The following NOS1AP variants were observed in gnomAD, a reference collection of about 807,000 sequenced individuals.
NOS1AP encodes nitric oxide synthase 1 adaptor protein.
Under a neutral mutation model 56.2 loss-of-function variants are expected in NOS1AP, and 21 were observed. The ratio of observed to expected loss-of-function variants is 0.37; its 90% CI spans 0.26 to 0.54. The LOEUF is 0.54. NOS1AP is among the 20% of genes least tolerant of loss of function. The pLI is 0.84. For synonymous variants in NOS1AP, 270 were observed against 274.6 expected (o/e 0.98, Z 0.17); for missense variants, 522 against 657.8 (o/e 0.79, Z 2.26).
chr1:162,343,725 T>A, intron 5 of NOS1AP, 110 bp from the exon 6 acceptor site: 1 of 1,282,128 alleles, frequency 7.8e-7, no homozygotes, highest in South Asian at 1.2e-5. Flanking sequence ...TGTGCATATC[T>A]GAACAACTTT....
At chr1:162,109,519 C>T (rs560574019) in intron 1 of NOS1AP, among the ~76,000 whole-genome samples, 4 of 152,078 alleles carry the variant, frequency 2.6e-5, no homozygotes, top group Non-Finnish European at 5.9e-5. Flanking sequence ...ATGGATGAAA[C>T]CAGAGTCGCC....
chr1:162,275,721 G>A (rs753560824), intron 2 of NOS1AP, among the ~76,000 whole-genome samples: 1 of 152,090 alleles, frequency 6.6e-6, no homozygotes, highest in Non-Finnish European at 1.5e-5. Flanking sequence ...TTTCATCCTC[G>A]TTTCTGAATA....
At chr1:162,090,560 T>A (rs1297505023) in intron 1 of NOS1AP, among the ~76,000 whole-genome samples, 1 of 152,162 alleles carries the variant, frequency 6.6e-6, no homozygotes, top group African/African-American at 2.4e-5. Flanking sequence ...ACCACTCTTA[T>A]CCATATGTTG....
chr1:162,339,369 A>G (rs1391185463), intron 5 of NOS1AP, among the ~76,000 whole-genome samples: 1 of 151,436 alleles, frequency 6.6e-6, no homozygotes, highest in Non-Finnish European at 1.5e-5. Flanking sequence ...CTGGATTTGT[A>G]CAGAAATAAT....
At chr1:162,082,296 A>G (rs1041950770) in intron 1 of NOS1AP, among the ~76,000 whole-genome samples, 2 of 152,158 alleles carry the variant, frequency 1.3e-5, no homozygotes, top group Admixed American at 6.5e-5. Context: ...GCTGCATAGT[A>G]TTCCATGATG....
At chr1:162,187,352 T>C (rs1053181993) in intron 2 of NOS1AP, among the ~76,000 whole-genome samples, 1 of 152,224 alleles carries the variant, frequency 6.6e-6, no homozygotes, top group Non-Finnish European at 1.5e-5. Flanking sequence ...TTTACAACAT[T>C]GTTTTTAATG....
At chr1:162,289,221 C>CTTTCCTTCCTTCCT (rs373819802) in intron 3 of NOS1AP, among the ~76,000 whole-genome samples, 28 of 25,462 alleles carry the variant, frequency 1.1e-3, no homozygotes, top group African/African-American at 4.3e-3. Context: ...TCCTTCCTTC[C>CTTTCCTTCCTTCCT]TTCCTTCCTT....
chr1:162,328,999 A>G lies in NOS1AP; in HGVS notation c.345-4018A>G, dbSNP rs570262159. Reference sequence around the variant, plus strand: ...TTACCTATAGATGAATAGTTTGAGAAGGGGGGTATTGGTGGTGAATCTAGT... The same window carrying G: ...TTACCTATAGATGAATAGTTTGAGAGGGGGGGTATTGGTGGTGAATCTAGT... On this transcript the variant is annotated intron_variant, in intron 4 of 9. Coordinates refer to ENST00000361897, the MANE Select transcript of NOS1AP (RefSeq NM_014697.3). 6.6e-4 allele frequency among the ~76,000 whole-genome samples: 92 copies of G among 139,200 alleles called. 1 individual carries two copies. Among genetic ancestry groups the G allele is most frequent in the Non-Finnish European group, 2.8e-4 (19 of 67,878 alleles). 91.3% of individuals were successfully genotyped at this position (139,200 alleles called of 152,430 possible). A position where few individuals can be genotyped will look rare whatever the true frequency, so the allele number is the denominator to read the frequency against.
chr1:162,273,861 C>T lies in NOS1AP; in HGVS notation c.178-13483C>T, dbSNP rs574569025. On this transcript the variant is annotated intron_variant, in intron 2 of 9. Coordinates refer to ENST00000361897, the MANE Select transcript of NOS1AP (RefSeq NM_014697.3). ...TACATTTCAACCAATTCCCCTCTAA[C>T]TTTCTGTAACAATACTGTATCACAC... Among the ~76,000 whole-genome samples the T allele has an allele frequency of 3.3e-5, 5 of 152,282 alleles. No individual in the cohort carries two copies. The South Asian group carries it at 1.0e-3, about 32-fold the overall frequency.
intron 2 of NOS1AP, among the ~76,000 whole-genome samples, chr1:162,249,766 A>G (rs565465508): frequency 3.9e-5 from 6 of 152,334 alleles, no homozygotes; most frequent in African/African-American, 4.8e-5. Flanking sequence ...AAGAAAAACA[A>G]GTGCTAATCA....
At chr1:162,100,318 TG>T (rs1558098247) in intron 1 of NOS1AP, among the ~76,000 whole-genome samples, 1 of 151,950 alleles carries the variant, frequency 6.6e-6, no homozygotes, top group African/African-American at 2.4e-5. Context: ...TTTTAATGAT[TG>T]CCATTCTAAC....
At chr1:162,124,634 G>A (rs1173641633) in intron 1 of NOS1AP, among the ~76,000 whole-genome samples, 3 of 151,924 alleles carry the variant, frequency 2.0e-5, no homozygotes, top group African/African-American at 7.3e-5. Flanking sequence ...GCGATTTCCT[G>A]CCCCAGCCTC....
chr1:162,264,446 T>TCTCCTCTCCTCTCCTCTCCTCTCCTCTCC (rs1557855253), intron 2 of NOS1AP, among the ~76,000 whole-genome samples: 1 of 1,528 alleles, frequency 6.5e-4, no homozygotes, highest in African/African-American at 2.5e-3. Flanking sequence ...TTCTCTTCTC[T>TCTCCTCTCCTCTCCTCTCCTCTCCTCTCC]TCTCTTCTCT....
At chr1:162,353,300 T>A (rs972398087) in intron 6 of NOS1AP, among the ~76,000 whole-genome samples, 4 of 152,208 alleles carry the variant, frequency 2.6e-5, no homozygotes, top group African/African-American at 9.7e-5. Flanking sequence ...GGTCCCTCCC[T>A]ACGGGACCAC....
intron 2 of NOS1AP, among the ~76,000 whole-genome samples, chr1:162,269,821 C>T (rs760450836): frequency 3.3e-5 from 5 of 151,360 alleles, no homozygotes; most frequent in Non-Finnish European, 7.4e-5. Context: ...GTGTAGTTCA[C>T]TCAGTAGCCT....
At chr1:162,355,903 TC>T (rs1657689906) in intron 7 of NOS1AP, among the ~76,000 whole-genome samples, 1 of 152,174 alleles carries the variant, frequency 6.6e-6, no homozygotes, top group Admixed American at 6.5e-5. Context: ...ATCTGGGGGT[TC>T]CTAATGTGAT....
intron 4 of NOS1AP, among the ~76,000 whole-genome samples, chr1:162,309,824 C>T (rs534796205): frequency 2.0e-5 from 3 of 152,004 alleles, no homozygotes; most frequent in South Asian, 2.1e-4. Flanking sequence ...TGAAAAGGTC[C>T]TATGGGGATA....
chr1:162,081,772 A>ATT (rs1457192130), intron 1 of NOS1AP, among the ~76,000 whole-genome samples: 417 of 29,966 alleles, frequency 0.014, 13 homozygotes, highest in African/African-American at 0.039. Flanking sequence ...ATATATATAT[A>ATT]TATTTTTTTT....
Position 162,367,893 on chromosome 1 carries a change from A to G in NOS1AP, c.*426A>G. The G allele has an allele frequency of 5.7e-6, 1 of 176,272 alleles. No homozygotes were observed. 10.9% of individuals were successfully genotyped at this position (176,272 alleles called of 1,614,324 possible). A position where few individuals can be genotyped will look rare whatever the true frequency, so the allele number is the denominator to read the frequency against. On this transcript the variant is annotated 3_prime_UTR_variant, in exon 10 of 10. Transcript: ENST00000361897. This position sits in a 1 kb window ranked among gnomAD's most constrained non-coding sequence, Gnocchi z 6.5. ...GAAGGGAAGCCATCGGTACCTTCTC[A>G]GGTACTTTGTTTCTGGATATCACGA...
Sources: gnomAD v4.1 joint callset for allele counts (sites outside exome capture counted in the v4.1 genomes callset) on GRCh38, gnomAD v4.1.1 for gene constraint, Gnocchi (gnomAD v3.1) non-coding constraint, MANE v1.5 for transcripts, NCBI Gene and HGNC (gene_info 2026-07-23, HGNC 2026-07-21) for gene names.